The following ZBTB34 variants were observed in gnomAD, a reference collection of about 807,000 sequenced individuals.
ZBTB34 encodes the protein zinc finger and BTB domain-containing protein 34.
ZBTB34 carries 1 observed loss-of-function variant against 33.4 expected under a neutral mutation model. The observed-to-expected ratio is 0.03, with a 90% CI of 0.01 to 0.14. The LOEUF (loss-of-function observed/expected upper bound fraction) is 0.14, where lower values mean the gene tolerates loss of function less well. Among genes scored for constraint, ZBTB34 ranks in the 10% least tolerant of loss-of-function variants. The pLI, the probability that ZBTB34 is intolerant of heterozygous loss-of-function variation, is 1.00. For synonymous variants in ZBTB34, 283 were observed against 253.5 expected, an observed-to-expected ratio of 1.12 and a Z score of -1.11; for missense variants, 406 against 657.2, an observed-to-expected ratio of 0.62 and a Z score of 4.18.
At position 126,880,407 on chromosome 9, in the gene ZBTB34, T is replaced by G. The variant is rs756860599; in HGVS notation, c.1008T>G (p.Ser336Arg). 3.7e-6 allele frequency: 6 copies of G among 1,613,604 alleles called. No individual in the cohort carries two copies. The East Asian group carries it at 1.3e-4, about 36-fold the overall frequency. Residue 336 changes from serine to arginine, a missense_variant, in exon 2 of 2, where the codon AGT becomes AGG. Transcript: ENST00000319119. This position sits in a 1 kb window ranked among gnomAD's most constrained non-coding sequence, Gnocchi z 6.7. ...GGGCTTTGTCTGTCCACCTGCACAGTGACCTGCAGGGCCTGGTGCAGGGCT... is the reference window on the plus strand; with the variant it reads ...GGGCTTTGTCTGTCCACCTGCACAGGGACCTGCAGGGCCTGGTGCAGGGCT...
chr9:126,875,839 C>T (rs963951603), intron 1 of ZBTB34, among the ~76,000 whole-genome samples: 7 of 152,146 alleles, frequency 4.6e-5, no homozygotes, highest in African/African-American at 7.2e-5. Context: ...GTCGTGATGG[C>T]AGATAACCTT....
Position 126,880,590 on chromosome 9 carries a change from C to G in ZBTB34, c.1191C>G (p.Leu397=), listed in dbSNP as rs1482758435. The change falls in exon 2 of 2, where the codon CTC becomes CTG. Residue 397 remains leucine, a synonymous_variant. Coordinates refer to ENST00000319119, the Ensembl canonical transcript of ZBTB34. The surrounding 1 kb of genome is among the most constrained non-coding windows in gnomAD (Gnocchi z 6.7). ...GAAGCCTTGATAGGCACATGCGACT[C>G]CATATGGGAATCACCCCCTTTGTGT... 6.8e-6 allele frequency: 11 copies of G among 1,613,916 alleles called. No individual in the cohort carries two copies. In the African/African-American group the frequency reaches 1.5e-4, roughly 22 times the overall value.
chr9:126,881,112 A>T (rs1199747800), exon 2 of ZBTB34: 2 of 605,796 alleles, frequency 3.3e-6, no homozygotes, highest in African/African-American at 1.9e-5. Context: ...CAAAGCATGA[A>T]GGGCAACGCA....
chr9:126,867,427 C>G (rs1465475692), intron 1 of ZBTB34, among the ~76,000 whole-genome samples: 1 of 143,026 alleles, frequency 7.0e-6, no homozygotes, highest in East Asian at 2.1e-4. Context: ...AGCATCTTTG[C>G]TTCTTTTTTT....
chr9:126,865,265 A>G (rs1047432341), intron 1 of ZBTB34, among the ~76,000 whole-genome samples: 4 of 152,208 alleles, frequency 2.6e-5, no homozygotes, highest in Non-Finnish European at 5.9e-5. Context: ...CTGTAGTGGC[A>G]GTCCATGGAT....
At chr9:126,878,302 T>C (rs1228245377) in intron 1 of ZBTB34, among the ~76,000 whole-genome samples, 1 of 151,980 alleles carries the variant, frequency 6.6e-6, no homozygotes, top group Non-Finnish European at 1.5e-5. Flanking sequence ...AAATCCCGTC[T>C]CTTCTAAAAA....
Position 126,879,391 on chromosome 9 carries a change from G to T in ZBTB34, c.-9G>T. On this transcript the variant is annotated splice_region_variant and 5_prime_UTR_variant, in exon 2 of 2. Transcript: ENST00000319119. The surrounding 1 kb of genome is among the most constrained non-coding windows in gnomAD (Gnocchi z 6.4). ...GATGCAAACTCTCTCTCTCCGCAGA[G>T]TACGCTTCATGTCAGTAGAAATGGA... The T allele has an allele frequency of 6.2e-7, 1 of 1,603,734 alleles. No homozygotes were observed.
At chr9:126,884,943 C>T (rs624903) in exon 2 of ZBTB34, 17,525 of 166,966 alleles carry the variant, frequency 0.1, 1,036 homozygotes, top group Middle Eastern at 0.13. Context: ...GGGCACATGC[C>T]CCTTGAATGG....
rs1224643407 is a variant in ZBTB34 at position 126,880,852 on chromosome 9, G to T, written c.1453G>T (p.Ala485Ser). The change falls in exon 2 of 2, where the codon GCC becomes TCC. Residue 485 changes from alanine to serine, a missense_variant. By Grantham distance (99) the Ala-to-Ser change is moderately conservative. Coordinates refer to ENST00000319119, the Ensembl canonical transcript of ZBTB34. This position sits in a 1 kb window ranked among gnomAD's most constrained non-coding sequence, Gnocchi z 6.7. ...ACAGAAACTAGAAAATGACGCATCGGCCTCAGAGATGGGCCTAGATTCCCG... is the reference window on the plus strand; with the variant it reads ...ACAGAAACTAGAAAATGACGCATCGTCCTCAGAGATGGGCCTAGATTCCCG... 3 of 1,613,370 alleles carry T rather than the reference G, an allele frequency of 1.9e-6. No homozygotes were observed. Among genetic ancestry groups the T allele is most frequent in the Non-Finnish European group, 2.5e-6 (3 of 1,179,858 alleles).
In ZBTB34 at chr9:126,880,341, C is replaced by T. The variant is rs1386087477; in HGVS notation, c.942C>T (p.Ser314=). Reference sequence around the variant, plus strand: ...TGAGTAATTCCAGCCCATCCAGGTCCATGCTGAGCTGTTTCCGAGGAGGGC... The same window carrying T: ...TGAGTAATTCCAGCCCATCCAGGTCTATGCTGAGCTGTTTCCGAGGAGGGC... The change falls in exon 2 of 2, where the codon TCC becomes TCT. Residue 314 remains serine (S), a synonymous_variant. Transcript: ENST00000319119. This position sits in a 1 kb window ranked among gnomAD's most constrained non-coding sequence, Gnocchi z 6.7. 2.5e-6 allele frequency: 4 copies of T among 1,613,958 alleles called. No individual in the cohort carries two copies. In the East Asian group the frequency reaches 8.9e-5, roughly 36 times the overall value.
At chr9:126,866,817 T>C (rs2033207877) in intron 1 of ZBTB34, among the ~76,000 whole-genome samples, 1 of 152,178 alleles carries the variant, frequency 6.6e-6, no homozygotes, top group African/African-American at 2.4e-5. Context: ...ATTTTTTAAA[T>C]GCAAAGGTAT....
exon 2 of ZBTB34, chr9:126,881,043 C>T (rs371134283): frequency 2.9e-6 from 3 of 1,051,374 alleles, no homozygotes. Flanking sequence ...TCTAAAGTTT[C>T]TGGATGGAAC....
chr9:126,863,544 C>A, intron 1 of ZBTB34: 1 of 217,414 alleles, frequency 4.6e-6, no homozygotes, highest in Non-Finnish European at 7.8e-6. Context: ...TTAAATTCTG[C>A]TTAATGTTTT....
chr9:126,870,058 G>A lies in ZBTB34; in HGVS notation c.-11+9319G>A, dbSNP rs1254261656. Among the ~76,000 whole-genome samples, 4 of 152,158 alleles carry A rather than the reference G, an allele frequency of 2.6e-5. No homozygotes were observed. The East Asian group carries it at 7.7e-4, about 29-fold the overall frequency. Reference sequence around the variant, plus strand: ...TGTTTTTTAAATTAAAATAATAGCAGTGTAAATGTCTAATTTGGGTGTGGT... The same window carrying A: ...TGTTTTTTAAATTAAAATAATAGCAATGTAAATGTCTAATTTGGGTGTGGT... On this transcript the variant is annotated intron_variant, in intron 1 of 1. Transcript: ENST00000319119.
intron 1 of ZBTB34, among the ~76,000 whole-genome samples, chr9:126,866,347 T>C (rs539571524): frequency 1.3e-4 from 20 of 152,286 alleles, no homozygotes; most frequent in Middle Eastern, 3.4e-3. Context: ...GCCAGAATTC[T>C]GTTTGAGTTC....
chr9:126,885,009 A>G (rs1000995282), exon 2 of ZBTB34: 1 of 167,018 alleles, frequency 6.0e-6, no homozygotes, highest in Non-Finnish European at 1.5e-5. Flanking sequence ...AGTATTGGGG[A>G]ATTATGTAAA....
rs931104790 is a variant in ZBTB34, at chr9:126,878,192, C to A, written c.-10-1198C>A. Among the ~76,000 whole-genome samples the A allele has an allele frequency of 5.3e-5, 8 of 150,700 alleles. No homozygotes were observed. The South Asian group carries it at 6.3e-4, about 12-fold the overall frequency. On this transcript the variant is annotated intron_variant, in intron 1 of 1. Coordinates refer to ENST00000319119, the Ensembl canonical transcript of ZBTB34. ...CTAATAAAAAATAGTAATAATAGGC[C>A]GGTGTGGTGACTCTTGCCTGTAATC...
chr9:126,875,017 T>C (rs2033336960), intron 1 of ZBTB34, among the ~76,000 whole-genome samples: 1 of 152,144 alleles, frequency 6.6e-6, no homozygotes, highest in African/African-American at 2.4e-5. Context: ...ATAAGTTTGG[T>C]TGTATTTGTC....
At chr9:126,871,131 G>A (rs2033271592) in intron 1 of ZBTB34, among the ~76,000 whole-genome samples, 2 of 151,816 alleles carry the variant, frequency 1.3e-5, no homozygotes, top group South Asian at 4.1e-4. Flanking sequence ...TCTGCTAGAA[G>A]TTGAGGCTAC....
Sources: allele counts gnomAD v4.1 joint callset (sites outside exome capture counted in the v4.1 genomes callset), GRCh38; gene constraint gnomAD v4.1.1; non-coding constraint Gnocchi (gnomAD v3.1); transcripts MANE v1.5; gene names NCBI Gene and HGNC (gene_info 2026-07-23, HGNC 2026-07-21).